RNF19B: variants seen among roughly 807,000 people sequenced by gnomAD.
RNF19B encodes E3 ubiquitin-protein ligase RNF19B.
In RNF19B, 23 loss-of-function variants were observed where a neutral mutation model predicts 65.5. The ratio of observed to expected loss-of-function variants is 0.35; its 90% CI spans 0.25 to 0.50. The LOEUF (loss-of-function observed/expected upper bound fraction) is 0.50. Among genes scored for constraint, RNF19B ranks in the 20% least tolerant of loss-of-function variants. RNF19B has a pLI of 0.98. For missense variants in RNF19B, 794 were observed against 980.0 expected (o/e 0.81, Z 2.53); for synonymous variants, 372 against 379.6 (o/e 0.98, Z 0.23).
At chr1:32,952,429 TAAA>T (rs375150376) in intron 1 of RNF19B, among the ~76,000 whole-genome samples, 4,354 of 73,048 alleles carry the variant, frequency 0.06, 78 homozygotes, top group African/African-American at 0.095. Flanking sequence ...CCTTTTCTCT[TAAA>T]AAAAAAAAAA....
intron 1 of RNF19B, 84 bp from the exon 2 acceptor site, chr1:32,949,858 T>C: frequency 9.9e-7 from 1 of 1,005,198 alleles, no homozygotes; most frequent in South Asian, 1.4e-5. Flanking sequence ...TTAACAATGT[T>C]TGGCACTACC....
intron 6 of RNF19B, among the ~76,000 whole-genome samples, chr1:32,943,220 A>G (rs1333669019): frequency 6.6e-6 from 1 of 152,138 alleles, no homozygotes. Flanking sequence ...TACGTTACTT[A>G]CTACGAGTAG....
At chr1:32,939,338 C>A (rs545555063) in intron 7 of RNF19B, among the ~76,000 whole-genome samples, 1 of 152,330 alleles carries the variant, frequency 6.6e-6, no homozygotes, top group South Asian at 2.1e-4. Context: ...TGGGTTCCCA[C>A]CACCACACCC....
Position 32,942,296 on chromosome 1 carries a change from C to A in RNF19B, c.1566G>T (p.Thr522=), listed in dbSNP as rs199599863. Residue 522 remains threonine (T), a synonymous_variant, in exon 7 of 9, where the codon ACG becomes ACT. Transcript: ENST00000235150. ...TASFAALSGG[T]LSGGILSSGK... ...CACTGGAGAGAATGCCGCCACTCAG[C>A]GTGCCCCCTGAGAGGGCTGCAAAGC... 2 of 1,613,452 alleles carry A rather than the reference C, an allele frequency of 1.2e-6. No individual in the cohort carries two copies. Among genetic ancestry groups the A allele is most frequent in the African/African-American group, 2.7e-5 (2 of 75,032 alleles).
intron 1 of RNF19B, among the ~76,000 whole-genome samples, chr1:32,951,371 A>G (rs534167103): frequency 1.3e-5 from 2 of 152,368 alleles, no homozygotes; most frequent in African/African-American, 4.8e-5. Context: ...CCCACGGGGC[A>G]GCAGGAGCAG....
intron 8 of RNF19B, among the ~76,000 whole-genome samples, chr1:32,937,862 C>T (rs1417438140): frequency 2.6e-5 from 4 of 152,052 alleles, no homozygotes; most frequent in African/African-American, 9.7e-5. Flanking sequence ...CAAAATTCAA[C>T]TAAGGGTCAG....
At chr1:32,952,025 C>T (rs1642513148) in intron 1 of RNF19B, among the ~76,000 whole-genome samples, 1 of 149,444 alleles carries the variant, frequency 6.7e-6, no homozygotes, top group African/African-American at 2.5e-5. Context: ...TCTTCAACTC[C>T]TGACCTCTGG....
rs550145010 is a variant in RNF19B, at chr1:32,953,042, T to C, written c.636-3268A>G. On this transcript the variant is annotated intron_variant, in intron 1 of 8. Coordinates refer to ENST00000235150, the MANE Select transcript of RNF19B (RefSeq NM_001300826.2). The stretch of plus-strand genomic sequence containing the variant: ...TGGACAGTGGTGTGATGATAGCTCA[T>C]TGCAACCTGAAACTCCTGGGCTCAA... 2.7e-5 allele frequency among the ~76,000 whole-genome samples: 4 copies of C among 149,950 alleles called. 1 individual carries two copies. The highest frequency in any genetic ancestry group is 2.1e-4 in the South Asian group (1 of 4,754).
chr1:32,938,620 G>T, intron 7 of RNF19B, 92 bp from the exon 8 acceptor site: 1 of 1,322,530 alleles, frequency 7.6e-7, no homozygotes, highest in Non-Finnish European at 1.1e-6. Context: ...TTACTCTCTT[G>T]CAAATTGTGG....
At chr1:32,951,837 G>A (rs370274327) in intron 1 of RNF19B, among the ~76,000 whole-genome samples, 3 of 148,286 alleles carry the variant, frequency 2.0e-5, no homozygotes, top group African/African-American at 2.5e-5. Context: ...TCACTATATC[G>A]CCCAGGATGG....
rs35462688 is a variant in RNF19B at position 32,936,914 on chromosome 1, C to T, written c.2088G>A (p.Ser696=). The T allele has an allele frequency of 0.073, 117,908 of 1,613,720 alleles. 5,241 individuals carry two copies. The highest frequency in any genetic ancestry group is 0.17 in the Admixed American group (10,237 of 59,972). ...SPRSHTAACP[S]TPRAQGAPSP... is the part of the protein sequence containing the mutation. ...TCGGTGCACCTTGGGCTCTGGGGGT[C>T]GAGGGGCAGGCTGCAGTATGGGAGC... is the stretch of plus-strand genomic sequence containing the variant. Residue 696 remains serine, a synonymous_variant, in exon 9 of 9, where the codon TCG becomes TCA. Transcript: ENST00000235150.
chr1:32,941,119 A>G (rs762525971), intron 7 of RNF19B, among the ~76,000 whole-genome samples: 2 of 152,048 alleles, frequency 1.3e-5, no homozygotes, highest in Non-Finnish European at 2.9e-5. Flanking sequence ...GCTACTCAGG[A>G]GGCTGAGGTG....
downstream of RNF19B, among the ~76,000 whole-genome samples, chr1:32,935,552 C>T (rs1642083565): frequency 1.3e-5 from 2 of 152,344 alleles, no homozygotes; most frequent in South Asian, 4.1e-4. Flanking sequence ...ATACCCCCTC[C>T]TTTCATTACA....
chr1:32,933,666 A>G (rs778524434), downstream of RNF19B, among the ~76,000 whole-genome samples: 1 of 152,218 alleles, frequency 6.6e-6, no homozygotes, highest in Non-Finnish European at 1.5e-5. Flanking sequence ...TAAATTTTTC[A>G]TAGCCTCTGG....
chr1:32,931,339 G>A, the RNF19B span, among the ~76,000 whole-genome samples: 1 of 152,152 alleles, frequency 6.6e-6, no homozygotes, highest in African/African-American at 2.4e-5. Flanking sequence ...ACTGGGATCT[G>A]ACTCTAGTTA....
chr1:32,963,440 G>A (rs781497813), intron 1 of RNF19B, among the ~76,000 whole-genome samples: 11 of 152,184 alleles, frequency 7.2e-5, no homozygotes, highest in Non-Finnish European at 1.5e-4. Context: ...CCTTGGCCGG[G>A]AGCGGTGGCT....
chr1:32,956,877 C>T (rs1642651191), intron 1 of RNF19B, among the ~76,000 whole-genome samples: 1 of 152,042 alleles, frequency 6.6e-6, no homozygotes, highest in African/African-American at 2.4e-5. Context: ...ACAAATAGAC[C>T]CCTAGTAGGC....
Position 32,936,676 on chromosome 1 carries a change from G to T in RNF19B, c.*130C>A. The stretch of plus-strand genomic sequence containing the variant: ...TGTGAATTTCTCAGAATTTCCCTGG[G>T]CAAAAACCTGTGACCAGAGAATCTG... On this transcript the variant is annotated 3_prime_UTR_variant, in exon 9 of 9. Coordinates refer to ENST00000235150, the MANE Select transcript of RNF19B (RefSeq NM_001300826.2). 1.1e-6 allele frequency: 1 copy of T among 943,140 alleles called. No homozygotes were observed. Among genetic ancestry groups the T allele is most frequent in the Non-Finnish European group, 1.5e-6 (1 of 687,732 alleles). The allele number at this position is 943,140 out of a possible 1,614,324, so 58.4% of individuals were successfully genotyped here.
intron 1 of RNF19B, among the ~76,000 whole-genome samples, chr1:32,951,117 G>A (rs1254325087): frequency 2.0e-5 from 3 of 152,166 alleles, no homozygotes; most frequent in East Asian, 1.9e-4. Context: ...GATTACAGGC[G>A]TGAGCCACTG....
Sources: allele counts gnomAD v4.1 joint callset (sites outside exome capture counted in the v4.1 genomes callset), GRCh38; gene constraint gnomAD v4.1.1; transcripts MANE v1.5; gene names NCBI Gene and HGNC (gene_info 2026-07-23, HGNC 2026-07-21).